The following PLCH2 variants were observed in gnomAD, a reference collection of about 807,000 sequenced individuals.
The protein encoded by PLCH2 is 1-phosphatidylinositol 4,5-bisphosphate phosphodiesterase eta-2.
Under a neutral mutation model 134.7 loss-of-function variants are expected in PLCH2, and 98 were observed. The observed-to-expected ratio is 0.73, with a 90% CI of 0.62 to 0.86. The LOEUF is 0.86. Ranked by LOEUF, PLCH2 falls within the 40% of genes least tolerant of loss-of-function variation. PLCH2 has a pLI of 0.00. For synonymous variants in PLCH2, 974 were observed against 827.5 expected, an observed-to-expected ratio of 1.18 and a Z score of -3.04; for missense variants, 1,994 against 1,986.6, an observed-to-expected ratio of 1.00 and a Z score of -0.07.
At chr1:2,453,133 T>C (rs552207823) in intron 2 of PLCH2, among the ~76,000 whole-genome samples, 1 of 152,136 alleles carries the variant, frequency 6.6e-6, no homozygotes, top group Admixed American at 6.5e-5. Flanking sequence ...TCCCCCACCG[T>C]GCTACAAGCC....
At position 2,494,836 on chromosome 1, in the gene PLCH2, T is replaced by C. The variant is rs368756106; in HGVS notation, c.1660-20T>C. ...TTCAAGGCTAGACTCACCTTGTCCC[T>C]GTCTCTCCCCTGGACTCAGAGCAAG... On this transcript the variant is annotated intron_variant, in intron 11 of 21. Coordinates refer to ENST00000378486, the MANE Select transcript of PLCH2 (RefSeq NM_014638.4). The C allele has an allele frequency of 6.5e-5, 102 of 1,565,668 alleles. No homozygotes were observed. The highest frequency in any genetic ancestry group is 8.7e-5 in the Non-Finnish European group (100 of 1,146,520).
At position 2,478,633 on chromosome 1, in the gene PLCH2, G is replaced by T. The variant is rs374984174; in HGVS notation, c.271+11G>T. On this transcript the variant is annotated intron_variant, in intron 2 of 21. Coordinates refer to ENST00000378486, the MANE Select transcript of PLCH2 (RefSeq NM_014638.4). ...ACGAGAAGGCCAAGAGTGAGTGGGA[G>T]CCCTGGGGTGGGGACAAATCAGAGT... 4.4e-6 allele frequency: 7 copies of T among 1,601,364 alleles called. No homozygotes were observed. Among genetic ancestry groups the T allele is most frequent in the East Asian group, 4.5e-5 (2 of 44,294 alleles).
At position 2,451,999 on chromosome 1, in the gene PLCH2, C is replaced by T. The variant is rs77646335; in HGVS notation, c.115+21370C>T. The stretch of plus-strand genomic sequence containing the variant: ...CCCTGTGAAGTGAGGTCTGCTCTGC[C>T]GTGGGCCTGTCGGAGGAGGCTGAGC... On this transcript the variant is annotated intron_variant, in intron 2 of 3. Transcript: ENST00000609981. Among the ~76,000 whole-genome samples, 999 of 152,318 alleles carry T rather than the reference C, an allele frequency of 6.6e-3. 10 individuals carry two copies. Among genetic ancestry groups the T allele is most frequent in the African/African-American group, 0.023 (942 of 41,562 alleles).
intron 2 of PLCH2, 108 bp from the exon 3 acceptor site, chr1:2,479,626 A>C (rs1037772352): frequency 5.8e-6 from 7 of 1,199,984 alleles, no homozygotes; most frequent in Non-Finnish European, 5.8e-6. Flanking sequence ...GGTCCCGCAA[A>C]GGTGGGCAAG....
chr1:2,484,969 T>C (rs1287073126), intron 5 of PLCH2, among the ~76,000 whole-genome samples: 1 of 152,150 alleles, frequency 6.6e-6, no homozygotes, highest in Non-Finnish European at 1.5e-5. Flanking sequence ...AGCTTGACCA[T>C]GCCTCCTGCC....
chr1:2,432,089 C>A (rs562643815), intron 2 of PLCH2, among the ~76,000 whole-genome samples: 1 of 152,160 alleles, frequency 6.6e-6, no homozygotes, highest in Non-Finnish European at 1.5e-5. Context: ...ATTTACCAGG[C>A]GTCAGCTTCG....
At chr1:2,424,708 C>T (rs150533628), upstream of PLCH2, among the ~76,000 whole-genome samples, 2,892 of 152,252 alleles carry the variant, frequency 0.019, 87 homozygotes, top group African/African-American at 0.066. Flanking sequence ...CAAAATTAGG[C>T]CGGGCGCGGT....
At chr1:2,431,493 C>A (rs1349120099) in intron 2 of PLCH2, among the ~76,000 whole-genome samples, 5 of 152,122 alleles carry the variant, frequency 3.3e-5, no homozygotes, top group Non-Finnish European at 5.9e-5. Flanking sequence ...GGGCTTGGGG[C>A]CCTGGCTTTC....
chr1:2,468,477 G>C (rs980356591), intron 1 of PLCH2, among the ~76,000 whole-genome samples: 1 of 96,452 alleles, frequency 1.0e-5, no homozygotes, highest in Non-Finnish European at 1.8e-5. Flanking sequence ...GCTGGGGCAG[G>C]GTCTACAGCT....
At chr1:2,457,879 GAA>G (rs5772068) in intron 2 of PLCH2, among the ~76,000 whole-genome samples, 5,834 of 110,718 alleles carry the variant, frequency 0.053, 424 homozygotes, top group African/African-American at 0.16. Context: ...TTTTAGACCT[GAA>G]AAAAAAAAAA....
At chr1:2,503,860 G>GCCTCCCTCTCTCTCTT (rs1321223758) in intron 21 of PLCH2, 62 bp from the exon 22 acceptor site, 6 of 660,066 alleles carry the variant, frequency 9.1e-6, no homozygotes, top group Non-Finnish European at 1.4e-5. Flanking sequence ...CTCTCTCCCT[G>GCCTCCCTCTCTCTCTT]CCTCCCTCTC....
chr1:2,481,603 C>T (rs1256125813), intron 4 of PLCH2, among the ~76,000 whole-genome samples: 2 of 152,236 alleles, frequency 1.3e-5, no homozygotes, highest in Admixed American at 1.3e-4. Flanking sequence ...GCCTGAAGGT[C>T]CAACCAGACC....
upstream of PLCH2, among the ~76,000 whole-genome samples, chr1:2,462,645 T>C (rs542227468): frequency 6.6e-6 from 1 of 152,258 alleles, no homozygotes; most frequent in Non-Finnish European, 1.5e-5. Context: ...TGTGCTCCTC[T>C]GTGACCTTAG....
chr1:2,457,797 C>CG (rs1047588768), intron 2 of PLCH2, among the ~76,000 whole-genome samples: 2 of 150,922 alleles, frequency 1.3e-5, no homozygotes, highest in African/African-American at 4.9e-5. Flanking sequence ...CCAGGAGGCG[C>CG]GTGCTGGGAG....
chr1:2,445,699 G>C (rs1639910004), intron 2 of PLCH2, among the ~76,000 whole-genome samples: 1 of 152,132 alleles, frequency 6.6e-6, no homozygotes. Flanking sequence ...CTCCTAGGTG[G>C]TGGTGGGGGC....
chr1:2,463,453 G>A (rs866731712), upstream of PLCH2, among the ~76,000 whole-genome samples: 2 of 152,242 alleles, frequency 1.3e-5, no homozygotes, highest in East Asian at 1.9e-4. Flanking sequence ...TTTGCTGAAC[G>A]GGGCTGCAGC....
At chr1:2,478,826 T>C (rs1239767010) in intron 2 of PLCH2, among the ~76,000 whole-genome samples, 1 of 152,056 alleles carries the variant, frequency 6.6e-6, no homozygotes, top group Non-Finnish European at 1.5e-5. Flanking sequence ...CTGGCAGAGC[T>C]CCCTGGGACT....
chr1:2,462,487 C>G (rs72644633), upstream of PLCH2, among the ~76,000 whole-genome samples: 1,307 of 151,650 alleles, frequency 8.6e-3, 11 homozygotes, highest in East Asian at 0.035. Context: ...CCCCCTCTGC[C>G]TGATGCGTGG....
At chr1:2,460,813 G>A (rs1362382937) in intron 2 of PLCH2, among the ~76,000 whole-genome samples, 2 of 152,160 alleles carry the variant, frequency 1.3e-5, no homozygotes, top group African/African-American at 2.4e-5. Context: ...GTGACTGACC[G>A]TGTGGACTTA....
Sources: allele counts gnomAD v4.1 joint callset (sites outside exome capture counted in the v4.1 genomes callset), GRCh38; gene constraint gnomAD v4.1.1; transcripts MANE v1.5; gene names NCBI Gene and HGNC (gene_info 2026-07-23, HGNC 2026-07-21).